TSPAN18: variants seen among roughly 807,000 people sequenced by gnomAD.
The protein encoded by TSPAN18 is tetraspanin 18, also known as tetraspanin-18.
In TSPAN18, 14 loss-of-function variants were observed where a neutral mutation model predicts 27.3. That is an observed-to-expected ratio of 0.51 (90% CI 0.34 to 0.80). TSPAN18 has a LOEUF of 0.80. TSPAN18 is among the 30% of genes least tolerant of loss of function. The probability of loss-of-function intolerance (pLI) is 0.01; values close to 1 mark genes in which losing one functional copy is unlikely to be tolerated. For synonymous variants in TSPAN18, 143 were observed against 136.5 expected (o/e 1.05, Z -0.33); for missense variants, 268 against 323.9 (o/e 0.83, Z 1.32).
intron 8 of TSPAN18, among the ~76,000 whole-genome samples, chr11:44,920,890 T>C (rs1231845674): frequency 6.6e-6 from 1 of 152,214 alleles, no homozygotes; most frequent in Non-Finnish European, 1.5e-5. Flanking sequence ...TGAGAAGTAA[T>C]CATTTCACAT....
intron 1 of TSPAN18, among the ~76,000 whole-genome samples, chr11:44,741,598 T>C (rs912260827): frequency 1.3e-5 from 2 of 152,154 alleles, no homozygotes; most frequent in Non-Finnish European, 2.9e-5. Flanking sequence ...GGGATTAACA[T>C]GAAACGTGCT....
At chr11:44,830,553 C>T (rs994344706) in intron 2 of TSPAN18, among the ~76,000 whole-genome samples, 2 of 152,166 alleles carry the variant, frequency 1.3e-5, no homozygotes, top group South Asian at 2.1e-4. Context: ...GCCACATTCA[C>T]GTTTGTTATT....
At chr11:44,811,302 T>C (rs1856710843) in intron 2 of TSPAN18, among the ~76,000 whole-genome samples, 1 of 152,168 alleles carries the variant, frequency 6.6e-6, no homozygotes, top group African/African-American at 2.4e-5. Context: ...TTTTGTTTTT[T>C]AACTGCCTTC....
intron 2 of TSPAN18, among the ~76,000 whole-genome samples, chr11:44,836,720 G>C (rs958551476): frequency 7.9e-5 from 12 of 152,092 alleles, no homozygotes; most frequent in Admixed American, 5.2e-4. Context: ...TAATGCAATT[G>C]GTAACATTAA....
At chr11:44,761,224 A>G (rs191265155) in intron 1 of TSPAN18, among the ~76,000 whole-genome samples, 1 of 152,240 alleles carries the variant, frequency 6.6e-6, no homozygotes, top group African/African-American at 2.4e-5. Flanking sequence ...CCAAAGCCCA[A>G]GACTAATCGG....
At position 44,929,274 on chromosome 11, in the gene TSPAN18, G is replaced by A. The variant is rs1264151797; in HGVS notation, c.*96G>A. On this transcript the variant is annotated 3_prime_UTR_variant, in exon 10 of 10. Coordinates refer to ENST00000520358, the MANE Select transcript of TSPAN18 (RefSeq NM_130783.5). ...CTCCCCGCTGTCCTCTTGGCCCCAG[G>A]GGAGAAGATGAGGCCATCAGAGATG... 28 of 1,498,380 alleles carry A rather than the reference G, an allele frequency of 1.9e-5. No homozygotes were observed. Among genetic ancestry groups the A allele is most frequent in the Middle Eastern group, 3.5e-4 (2 of 5,644 alleles). The allele number at this position is 1,498,380 out of a possible 1,614,324, so 92.8% of individuals were successfully genotyped here.
intron 2 of TSPAN18, among the ~76,000 whole-genome samples, chr11:44,837,948 T>C (rs1857296241): frequency 1.3e-5 from 2 of 152,210 alleles, no homozygotes; most frequent in African/African-American, 4.8e-5. Flanking sequence ...TATTGTGATA[T>C]TTGCTTTATT....
At position 44,908,823 on chromosome 11, in the gene TSPAN18, GAAAGAAAA is replaced by G. The variant is rs1431087004; in HGVS notation, c.64-880_64-873del. On this transcript the variant is annotated intron_variant, in intron 4 of 9. Coordinates refer to ENST00000520358, the MANE Select transcript of TSPAN18 (RefSeq NM_130783.5). ...AGAAAGAAAGAAAGAAAGAAAGAAA[GAAAGAAAA>G]AGAAAAATGGAGCAGATATTTATTG... is the stretch of plus-strand genomic sequence containing the variant. Among the ~76,000 whole-genome samples the G allele has an allele frequency of 3.2e-3, 358 of 112,168 alleles. 71 individuals carry two copies. The highest frequency in any genetic ancestry group is 0.014 in the African/African-American group (348 of 25,208). 73.6% of individuals were successfully genotyped at this position (112,168 alleles called of 152,430 possible).
chr11:44,895,502 G>A (rs939593075), intron 3 of TSPAN18, among the ~76,000 whole-genome samples: 10 of 152,234 alleles, frequency 6.6e-5, no homozygotes, highest in Non-Finnish European at 1.3e-4. Context: ...AGCATGGCAG[G>A]TGTCACTGGG....
At chr11:44,895,426 G>A (rs1045369687) in intron 3 of TSPAN18, among the ~76,000 whole-genome samples, 1 of 152,314 alleles carries the variant, frequency 6.6e-6, no homozygotes, top group Non-Finnish European at 1.5e-5. Flanking sequence ...ACTTTCCCAA[G>A]GTCTCCAGGG....
intron 2 of TSPAN18, among the ~76,000 whole-genome samples, chr11:44,793,085 G>C (rs554696919): frequency 2.6e-5 from 4 of 152,280 alleles, no homozygotes; most frequent in African/African-American, 9.6e-5. Flanking sequence ...CAAGCCCTGC[G>C]GGGTCTAGGG....
Position 44,851,621 on chromosome 11 carries a change from C to A in TSPAN18, c.-152-8707C>A, listed in dbSNP as rs1015888811. The stretch of plus-strand genomic sequence containing the variant: ...CCCAGGTACTCTTGTCACCTCCCCC[C>A]CCCAACGGCTGGGTCCCTGTCTACC... On this transcript the variant is annotated intron_variant, in intron 2 of 9. Transcript: ENST00000520358. Among the ~76,000 whole-genome samples, 25 of 148,288 alleles carry A rather than the reference C, an allele frequency of 1.7e-4. 1 individual carries two copies. Among genetic ancestry groups the A allele is most frequent in the African/African-American group, 5.9e-4 (24 of 40,580 alleles).
chr11:44,894,088 G>A (rs1858949517), intron 3 of TSPAN18, among the ~76,000 whole-genome samples: 1 of 152,216 alleles, frequency 6.6e-6, no homozygotes, highest in Admixed American at 6.5e-5. Context: ...TTGGTGCCGG[G>A]AGCGCAGGAA....
At chr11:44,879,128 C>T (rs535429273) in intron 3 of TSPAN18, among the ~76,000 whole-genome samples, 60 of 152,264 alleles carry the variant, frequency 3.9e-4, no homozygotes, top group East Asian at 1.2e-3. Context: ...TACTGAGCCC[C>T]GCAAATGATA....
At chr11:44,821,807 G>A (rs1351933651) in intron 2 of TSPAN18, among the ~76,000 whole-genome samples, 1 of 152,202 alleles carries the variant, frequency 6.6e-6, no homozygotes, top group African/African-American at 2.4e-5. Context: ...GATCCCTCAA[G>A]GTAGTAGAAA....
chr11:44,727,609 G>A (rs1271511583), intron 1 of TSPAN18, among the ~76,000 whole-genome samples: 1 of 152,170 alleles, frequency 6.6e-6, no homozygotes, highest in African/African-American at 2.4e-5. Flanking sequence ...GGCGCGGGGT[G>A]GCAGGTGTGG....
At chr11:44,747,879 C>CACAA (rs1855117143) in intron 1 of TSPAN18, among the ~76,000 whole-genome samples, 1 of 152,202 alleles carries the variant, frequency 6.6e-6, no homozygotes, top group Admixed American at 6.5e-5. Flanking sequence ...TACACACACA[C>CACAA]ACAAACACGT....
chr11:44,832,442 C>A (rs1857174263), intron 2 of TSPAN18, among the ~76,000 whole-genome samples: 1 of 152,184 alleles, frequency 6.6e-6, no homozygotes, highest in South Asian at 2.1e-4. Context: ...CTTCTCTCAT[C>A]CCTCCCCAGC....
chr11:44,827,070 T>C (rs1185702406), intron 2 of TSPAN18, among the ~76,000 whole-genome samples: 1 of 152,218 alleles, frequency 6.6e-6, no homozygotes, highest in African/African-American at 2.4e-5. Flanking sequence ...GTCTGGCCCC[T>C]CTGGGCTGGG....
Sources: allele counts gnomAD v4.1 joint callset (sites outside exome capture counted in the v4.1 genomes callset), GRCh38; gene constraint gnomAD v4.1.1; transcripts MANE v1.5; gene names NCBI Gene and HGNC (gene_info 2026-07-23, HGNC 2026-07-21).